Variants in HS1BP3 observed in about 807,000 individuals in gnomAD.
HS1BP3 encodes HCLS1-binding protein 3.
Under a neutral mutation model 33.5 loss-of-function variants are expected in HS1BP3, and 32 were observed. The observed-to-expected ratio is 0.95, with a 90% confidence interval of 0.72 to 1.28. HS1BP3 has a LOEUF of 1.28. Ranked by LOEUF, HS1BP3 falls within the 50% of genes most tolerant of loss-of-function variation. The pLI is 0.00. For synonymous variants in HS1BP3, 187 were observed against 209.2 expected, an observed-to-expected ratio of 0.89 and a Z score of 0.92; for missense variants, 486 against 502.3, an observed-to-expected ratio of 0.97 and a Z score of 0.31.
At chr2:20,559,841 A>G (rs951321029), downstream of HS1BP3, among the ~76,000 whole-genome samples, 1 of 152,118 alleles carries the variant, frequency 6.6e-6, no homozygotes, top group Admixed American at 6.5e-5. Context: ...CTGCCTAGGG[A>G]GGCCTGCTCT....
intron 2 of HS1BP3, among the ~76,000 whole-genome samples, chr2:20,643,258 G>A (rs1297578332): frequency 6.6e-6 from 1 of 152,240 alleles, no homozygotes; most frequent in African/African-American, 2.4e-5. Context: ...TCATGGAGGT[G>A]TTAAAACACC....
At chr2:20,606,573 C>A in intron 2 of HS1BP3, 1 of 494,072 alleles carries the variant, frequency 2.0e-6, no homozygotes. Flanking sequence ...TTGGCCTTGT[C>A]CCCGGATTTG....
intron 5 of HS1BP3, among the ~76,000 whole-genome samples, chr2:20,578,504 C>A (rs901038776): frequency 6.6e-6 from 1 of 152,202 alleles, no homozygotes; most frequent in South Asian, 2.1e-4. Context: ...CCCGGAGGCT[C>A]TCGCAGGCAG....
chr2:20,596,040 T>A (rs1391097872), intron 3 of HS1BP3, among the ~76,000 whole-genome samples: 1 of 152,132 alleles, frequency 6.6e-6, no homozygotes, highest in Non-Finnish European at 1.5e-5. Context: ...CCTCTTGCCC[T>A]GAGGTCTTTT....
intron 5 of HS1BP3, chr2:20,586,623 C>T (rs977035666): frequency 6.6e-6 from 1 of 152,204 alleles, no homozygotes; most frequent in African/African-American, 2.4e-5. Context: ...AAGCTAATAG[C>T]TTTGACAATA....
intron 2 of HS1BP3, among the ~76,000 whole-genome samples, chr2:20,599,618 A>ACG (rs1162006494): frequency 7.0e-6 from 1 of 143,512 alleles, no homozygotes; most frequent in Non-Finnish European, 1.5e-5. Context: ...TAACACACAC[A>ACG]CACACACACA....
At chr2:20,631,964 AGTCAGCC>A (rs1694982964) in intron 4 of HS1BP3, among the ~76,000 whole-genome samples, 2 of 152,240 alleles carry the variant, frequency 1.3e-5, no homozygotes, top group Non-Finnish European at 2.9e-5. Flanking sequence ...CCTCTGCAGC[AGTCAGCC>A]CCAAATGGCC....
rs1222016408 is a variant in HS1BP3, at chr2:20,619,261, G to A, written c.921-16C>T. 1 of 1,573,674 alleles carries A rather than the reference G, an allele frequency of 6.4e-7. No homozygotes were observed. The highest frequency in any genetic ancestry group is 1.4e-5 in the African/African-American group (1 of 74,026). On this transcript the variant is annotated splice_polypyrimidine_tract_variant and intron_variant, in intron 6 of 6. Coordinates refer to ENST00000304031, the MANE Select transcript of HS1BP3 (RefSeq NM_022460.4). Reference sequence around the variant, plus strand: ...CTCTTCAACTCTAGGGAACCACAGGGAGGAACCCTGAGCATAACACTGCCA... The same window carrying A: ...CTCTTCAACTCTAGGGAACCACAGGAAGGAACCCTGAGCATAACACTGCCA...
chr2:20,638,524 C>G lies in HS1BP3; in HGVS notation c.535G>C (p.Glu179Gln). 1 of 1,614,254 alleles carries G rather than the reference C, an allele frequency of 6.2e-7. No homozygotes were observed. The highest frequency in any genetic ancestry group is 8.5e-7 in the Non-Finnish European group (1 of 1,180,044). The change falls in exon 4 of 7, where the codon GAG becomes CAG. Residue 179 changes from glutamate to glutamine, a missense_variant. By Grantham distance (29) the Glu-to-Gln change is conservative (BLOSUM62 2). Coordinates refer to ENST00000304031, the MANE Select transcript of HS1BP3 (RefSeq NM_022460.4). ...TTCAGGCTCTGGACGGGCGGACCCT[C>G]TTCTGCCACTTGGTCTTGCTCCTCA... ...FFEEQDQVAE[E>Q]GPPVQSLKGE...
intron 4 of HS1BP3, 112 bp downstream of exon 4, chr2:20,638,324 A>C (rs1362525789): frequency 1.9e-6 from 2 of 1,056,056 alleles, no homozygotes; most frequent in African/African-American, 1.6e-5. Flanking sequence ...GATCCCTGCG[A>C]GGGGGCGACC....
In HS1BP3 at chr2:20,621,027, G is replaced by C. The variant is rs558979338; in HGVS notation, c.921-1782C>G. 5.3e-5 allele frequency among the ~76,000 whole-genome samples: 8 copies of C among 152,376 alleles called. No homozygotes were observed. The South Asian group carries it at 1.7e-3, about 32-fold the overall frequency. On this transcript the variant is annotated intron_variant, in intron 6 of 6. Transcript: ENST00000304031. ...AGAAGGGTGAGCCTGGCATGAATAG[G>C]GGAGAGAATTCTGAAGAAGGGAGCA...
chr2:20,615,488 T>C (rs1558335172), downstream of HS1BP3, among the ~76,000 whole-genome samples: 4 of 152,236 alleles, frequency 2.6e-5, no homozygotes, highest in South Asian at 2.1e-4. Context: ...GGACCATTCA[T>C]AGCTTGATGC....
intron 4 of HS1BP3, among the ~76,000 whole-genome samples, chr2:20,631,560 A>C: frequency 7.3e-6 from 1 of 137,510 alleles, no homozygotes; most frequent in Non-Finnish European, 1.5e-5. Context: ...AAAAGGGGCC[A>C]GCCAGGGAGG....
intron 4 of HS1BP3, among the ~76,000 whole-genome samples, chr2:20,629,042 G>A (rs1041883818): frequency 1.3e-5 from 2 of 152,320 alleles, no homozygotes; most frequent in Admixed American, 6.5e-5. Context: ...GACAGGCTAG[G>A]GGGAACTTCA....
chr2:20,640,638 T>G, intron 3 of HS1BP3: 1 of 512,356 alleles, frequency 2.0e-6, no homozygotes, highest in Admixed American at 3.2e-5. Flanking sequence ...GTGGGGTGTG[T>G]GTCAGGGGGT....
At chr2:20,642,696 C>G (rs1454036416) in intron 2 of HS1BP3, among the ~76,000 whole-genome samples, 1 of 152,254 alleles carries the variant, frequency 6.6e-6, no homozygotes, top group East Asian at 1.9e-4. Flanking sequence ...CCTGGGCTCC[C>G]ACCCCACCCA....
At chr2:20,556,519 C>T (rs1051041774), downstream of HS1BP3, among the ~76,000 whole-genome samples, 18 of 152,236 alleles carry the variant, frequency 1.2e-4, no homozygotes, top group African/African-American at 3.6e-4. Context: ...TCAAGGTTAC[C>T]GCATTTCTAA....
chr2:20,610,963 C>T (rs1411358311), intron 2 of HS1BP3, among the ~76,000 whole-genome samples: 1 of 152,202 alleles, frequency 6.6e-6, no homozygotes, highest in Non-Finnish European at 1.5e-5. Flanking sequence ...CACTCCTGTC[C>T]TGCCCATCCC....
rs539930924 is a variant in HS1BP3, at chr2:20,578,536, C to T, written c.303-18021G>A. ...GCAGCCCCACACACCACCTATATCC[C>T]GAGGAAAGATGGGCATTCCCAAGGA... is the stretch of plus-strand genomic sequence containing the variant. On this transcript the variant is annotated intron_variant, in intron 5 of 5. Transcript: ENST00000446825. 2.8e-4 allele frequency among the ~76,000 whole-genome samples: 43 copies of T among 152,314 alleles called. 1 individual carries two copies. Among genetic ancestry groups the T allele is most frequent in the African/African-American group, 9.9e-4 (41 of 41,556 alleles).
Sources: allele counts gnomAD v4.1 joint callset (sites outside exome capture counted in the v4.1 genomes callset), GRCh38; gene constraint gnomAD v4.1.1; transcripts MANE v1.5; gene names NCBI Gene and HGNC (gene_info 2026-07-23, HGNC 2026-07-21).